Variants in MME observed in about 807,000 individuals in gnomAD.
MME encodes the protein neprilysin.
In MME, 98 loss-of-function variants were observed where a neutral mutation model predicts 113.2. The observed-to-expected ratio is 0.87, with a 90% CI of 0.74 to 1.02. The LOEUF (loss-of-function observed/expected upper bound fraction) is 1.02. Among genes scored for constraint, MME ranks in the 50% least tolerant of loss-of-function variants. The probability of loss-of-function intolerance (pLI) is 0.00; values close to 1 mark genes in which losing one functional copy is unlikely to be tolerated. For missense variants in MME, 836 were observed against 896.0 expected (o/e 0.93, Z 0.86); for synonymous variants, 292 against 300.6 (o/e 0.97, Z 0.30).
At chr3:155,060,124 A>G (rs901862085) in intron 1 of MME, among the ~76,000 whole-genome samples, 4 of 152,172 alleles carry the variant, frequency 2.6e-5, no homozygotes, top group African/African-American at 9.7e-5. Context: ...ATAGATCTTC[A>G]TACCTGCCCT....
intron 22 of MME, among the ~76,000 whole-genome samples, chr3:155,174,104 T>C (rs962288270): frequency 2.0e-5 from 3 of 152,130 alleles, no homozygotes; most frequent in African/African-American, 7.2e-5. Flanking sequence ...CAAGGCTTTT[T>C]TGGTGCTCAT....
At chr3:155,171,498 C>A (rs1389939520) in intron 20 of MME, among the ~76,000 whole-genome samples, 1 of 152,102 alleles carries the variant, frequency 6.6e-6, no homozygotes, top group Non-Finnish European at 1.5e-5. Flanking sequence ...TAGCATAAAT[C>A]TTTAAGAATT....
intron 3 of MME, among the ~76,000 whole-genome samples, chr3:155,109,397 T>C (rs1279128480): frequency 6.6e-6 from 1 of 151,942 alleles, no homozygotes; most frequent in Admixed American, 6.6e-5. Flanking sequence ...TGGAGCAGAG[T>C]GGAAGCCTTG....
chr3:155,160,442 CAGAT>C lies in MME; in HGVS notation c.1657_1660del (p.Ile553SerfsTer20). On this transcript the variant is annotated frameshift_variant and splice_region_variant, in exon 17 of 23. Coordinates refer to ENST00000360490, the MANE Select transcript of MME (RefSeq NM_007289.4). LOFTEE classifies it high-confidence loss of function. Reference sequence around the variant, plus strand: ...TGCATTTTACTCTTCAGGAAGAAATCAGATAGGTAAGGTGTATTCTTAAATAATT... The same window carrying C: ...TGCATTTTACTCTTCAGGAAGAAATCAGGTAAGGTGTATTCTTAAATAATT... 1 of 1,595,734 alleles carries C rather than the reference CAGAT, an allele frequency of 6.3e-7. No homozygotes were observed. Among genetic ancestry groups the C allele is most frequent in the Non-Finnish European group, 8.6e-7 (1 of 1,163,758 alleles).
rs1713161423 is a variant in MME at position 155,182,201 on chromosome 3, C to CAG, written c.*1742_*1743insAG. 2 of 152,196 alleles carry CAG rather than the reference C, an allele frequency of 1.3e-5. No homozygotes were observed. The highest frequency in any genetic ancestry group is 2.9e-5 in the Non-Finnish European group (2 of 68,034). The allele number at this position is 152,196 out of a possible 1,614,324, so 9.4% of individuals were successfully genotyped here. A position where few individuals can be genotyped will look rare whatever the true frequency, so the allele number is the denominator to read the frequency against. On this transcript the variant is annotated 3_prime_UTR_variant, in exon 23 of 23. Coordinates refer to ENST00000360490, the MANE Select transcript of MME (RefSeq NM_007289.4). The stretch of plus-strand genomic sequence containing the variant: ...ATTCTTTTGTGCCTGGCTTCTTTCT[C>CAG]TCAGCCTTACATTTGTGAGATTCCT...
intron 3 of MME, among the ~76,000 whole-genome samples, chr3:155,089,254 G>A (rs1303612321): frequency 6.6e-6 from 1 of 152,134 alleles, no homozygotes; most frequent in East Asian, 1.9e-4. Flanking sequence ...AAAACTTAGA[G>A]TTATAAAACT....
At chr3:155,087,005 GTTT>G (rs5853712) in intron 3 of MME, among the ~76,000 whole-genome samples, 10 of 140,924 alleles carry the variant, frequency 7.1e-5, no homozygotes, top group East Asian at 2.1e-4. Context: ...GTTTTTTTTT[GTTT>G]TTTTTTTTTG....
chr3:155,153,515 T>G (rs1453860741), intron 16 of MME, among the ~76,000 whole-genome samples: 1 of 152,190 alleles, frequency 6.6e-6, no homozygotes, highest in Non-Finnish European at 1.5e-5. Flanking sequence ...GAATTTTCAT[T>G]TAGAGTTCAT....
At chr3:155,152,361 A>G (rs1576649393) in intron 16 of MME, among the ~76,000 whole-genome samples, 1 of 152,172 alleles carries the variant, frequency 6.6e-6, no homozygotes, top group East Asian at 1.9e-4. Flanking sequence ...TCAAAGTACC[A>G]GTACATTTTA....
intron 8 of MME, among the ~76,000 whole-genome samples, chr3:155,131,385 C>T (rs1432872911): frequency 6.6e-6 from 1 of 152,168 alleles, no homozygotes; most frequent in Non-Finnish European, 1.5e-5. Context: ...CATGATAAGA[C>T]AGGCCCTGCA....
Position 155,138,163 on chromosome 3 carries a change from G to A in MME, c.782G>A (p.Arg261Lys). 6.2e-7 allele frequency: 1 copy of A among 1,613,662 alleles called. No homozygotes were observed. Among genetic ancestry groups the A allele is most frequent in the Non-Finnish European group, 8.5e-7 (1 of 1,179,726 alleles). ...GCCAGATTGATTCGTCAGGAAGAAA[G>A]ATTGCCCATCGATGAAAACCAGCTT... ...SVARLIRQEE[R>K]LPIDENQLAL... Residue 261 changes from arginine (R) to lysine (K), a missense_variant, in exon 9 of 23, where the codon AGA (arginine) becomes AAA (lysine). Transcript: ENST00000360490.
At chr3:155,051,378 T>G (rs1002175206) in intron 1 of MME, among the ~76,000 whole-genome samples, 2 of 152,198 alleles carry the variant, frequency 1.3e-5, no homozygotes, top group African/African-American at 4.8e-5. Context: ...AAACACTATG[T>G]GATAGTTTAT....
chr3:155,158,017 T>C (rs1330203653), intron 16 of MME, among the ~76,000 whole-genome samples: 2 of 152,070 alleles, frequency 1.3e-5, no homozygotes, highest in Non-Finnish European at 2.9e-5. Flanking sequence ...AGGTATGACA[T>C]TTATTTTTAC....
At chr3:155,041,425 C>T (rs1415556428) in intron 1 of MME, among the ~76,000 whole-genome samples, 1 of 152,080 alleles carries the variant, frequency 6.6e-6, no homozygotes, top group Non-Finnish European at 1.5e-5. Flanking sequence ...GGTGTTATTA[C>T]CGTAATAAAC....
upstream of MME, among the ~76,000 whole-genome samples, chr3:155,078,226 A>C (rs1179771745): frequency 1.3e-5 from 2 of 152,272 alleles, no homozygotes; most frequent in Non-Finnish European, 2.9e-5. Context: ...CTGTAGGAAA[A>C]AAAAATTCCA....
At chr3:155,173,001 A>G (rs139669382) in intron 22 of MME, among the ~76,000 whole-genome samples, 166 of 152,192 alleles carry the variant, frequency 1.1e-3, no homozygotes, top group African/African-American at 3.8e-3. Context: ...ATATAAAGGA[A>G]ACTTTCTACT....
intron 22 of MME, among the ~76,000 whole-genome samples, chr3:155,179,625 T>C (rs1024107693): frequency 9.2e-5 from 14 of 151,818 alleles, no homozygotes; most frequent in Non-Finnish European, 1.0e-4. Flanking sequence ...GGGAAGGAGG[T>C]GGTTCAGGGT....
intron 1 of MME, among the ~76,000 whole-genome samples, chr3:155,067,848 A>C (rs1294381880): frequency 6.6e-6 from 1 of 152,132 alleles, no homozygotes; most frequent in Non-Finnish European, 1.5e-5. Flanking sequence ...AAATGCTACA[A>C]CCACTTTGGA....
In MME at chr3:155,172,188, A is replaced by G. The variant is rs191264116; in HGVS notation, c.2052A>G (p.Gln684=). Residue 684 remains glutamine, a synonymous_variant, in exon 21 of 23, where the codon CAA becomes CAG. Transcript: ENST00000360490. ...LLPGLDLNHK[Q]LFFLNFAQVW... is the part of the protein sequence containing the mutation. ...CTGGACTTGACCTAAATCACAAACA[A>G]CTATTTTTCTTGAACTTTGCACAGG... The G allele has an allele frequency of 1.0e-4, 169 of 1,610,380 alleles. No individual in the cohort carries two copies. Among genetic ancestry groups the G allele is most frequent in the Admixed American group, 4.3e-4 (26 of 59,956 alleles).
Sources: gnomAD v4.1 joint callset for allele counts (sites outside exome capture counted in the v4.1 genomes callset) on GRCh38, gnomAD v4.1.1 for gene constraint, MANE v1.5 for transcripts, NCBI Gene and HGNC (gene_info 2026-07-23, HGNC 2026-07-21) for gene names.